LIMS2: variants seen among roughly 807,000 people sequenced by gnomAD.
The protein encoded by LIMS2 is LIM and senescent cell antigen-like-containing domain protein 2.
In LIMS2, 30 loss-of-function variants were observed where a neutral mutation model predicts 45.3. That is an observed-to-expected ratio of 0.66 (90% CI 0.50 to 0.90). The LOEUF is 0.90. Among genes scored for constraint, LIMS2 ranks in the 40% least tolerant of loss-of-function variants. The pLI is 0.00. For synonymous variants in LIMS2, 173 were observed against 188.0 expected, an observed-to-expected ratio of 0.92 and a Z score of 0.65; for missense variants, 485 against 468.7, an observed-to-expected ratio of 1.03 and a Z score of -0.32.
chr2:127,648,662 G>A (rs1683260175), intron 4 of LIMS2, among the ~76,000 whole-genome samples: 1 of 152,044 alleles, frequency 6.6e-6, no homozygotes, highest in Non-Finnish European at 1.5e-5. Context: ...AGCACTTTGG[G>A]AGGCCAAGGA....
intron 4 of LIMS2, chr2:127,650,025 G>A: frequency 6.2e-7 from 1 of 1,608,966 alleles, no homozygotes. Flanking sequence ...TCCAAACGGA[G>A]TTGGTGGGCT....
chr2:127,651,874 C>A, intron 4 of LIMS2: 2 of 907,992 alleles, frequency 2.2e-6, no homozygotes, highest in Non-Finnish European at 3.4e-6. Flanking sequence ...CAGCAGATGC[C>A]CACCATTTCT....
chr2:127,654,535 A>G lies in LIMS2; in HGVS notation c.248T>C (p.Ile83Thr). ...CATGGCCTTGATGACGCGGCCAATGATGAACTCACCTGGAAGAAGACAGGT... is the reference window on the plus strand; with the variant it reads ...CATGGCCTTGATGACGCGGCCAATGGTGAACTCACCTGGAAGAAGACAGGT... Reference protein sequence around the residue: ...APCCGSCGEFIIGRVIKAMNN... With the variant: ...APCCGSCGEFTIGRVIKAMNN... The change falls in exon 4 of 10, where the codon ATC becomes ACC. Residue 83 changes from isoleucine to threonine, a missense_variant. Ile to Thr is a moderately conservative substitution (Grantham distance 89). Transcript: ENST00000355119. 6.2e-7 allele frequency: 1 copy of G among 1,614,114 alleles called. No homozygotes were observed. The highest frequency in any genetic ancestry group is 8.5e-7 in the Non-Finnish European group (1 of 1,180,002).
chr2:127,641,343 G>A lies in LIMS2; in HGVS notation c.661-355C>T, dbSNP rs538584682. 2.1e-3 allele frequency: 513 copies of A among 246,002 alleles called. 2 individuals are homozygous for A. The highest frequency in any genetic ancestry group is 0.01 in the African/African-American group (456 of 45,068). 15.2% of individuals were successfully genotyped at this position (246,002 alleles called of 1,614,324 possible). ...GAGTCAGGTGCCAGCCTGGTGCTGC[G>A]GCATGGTGGGCCCTCATAGGCAGAG... On this transcript the variant is annotated intron_variant, in intron 6 of 9. Coordinates refer to ENST00000355119, the MANE Select transcript of LIMS2 (RefSeq NM_001161403.3).
intron 6 of LIMS2, chr2:127,641,239 C>T (rs1682373320): frequency 2.2e-6 from 1 of 451,174 alleles, no homozygotes; most frequent in Admixed American, 3.5e-5. Flanking sequence ...CCCTACCCCT[C>T]CTCTAAGGCA....
chr2:127,663,718 C>T (rs1684827106), intron 1 of LIMS2, among the ~76,000 whole-genome samples: 1 of 151,990 alleles, frequency 6.6e-6, no homozygotes, highest in Non-Finnish European at 1.5e-5. Flanking sequence ...GGTCACAGCC[C>T]TATTGCTCTC....
intron 4 of LIMS2, chr2:127,646,184 G>A (rs1056317213): frequency 6.6e-6 from 1 of 152,372 alleles, no homozygotes; most frequent in African/African-American, 2.4e-5. Context: ...GACACCCACG[G>A]GCGGAGATCA....
upstream of LIMS2, among the ~76,000 whole-genome samples, chr2:127,676,687 T>C (rs1219922481): frequency 6.6e-6 from 1 of 152,176 alleles, no homozygotes; most frequent in African/African-American, 2.4e-5. Context: ...GTTGCGAGCG[T>C]GTCTCAGCTG....
rs74370487 is a variant in LIMS2 at position 127,653,481 on chromosome 2, G to A, written c.359+943C>T. Reference sequence around the variant, plus strand: ...CTGAAGTGGAGCCTGGAATTCTCCAGACACATGTGCCATTTAGGGCTCTAG... The same window carrying A: ...CTGAAGTGGAGCCTGGAATTCTCCAAACACATGTGCCATTTAGGGCTCTAG... On this transcript the variant is annotated intron_variant, in intron 4 of 9. Coordinates refer to ENST00000355119, the MANE Select transcript of LIMS2 (RefSeq NM_001161403.3). The surrounding 1 kb of genome is among the most constrained non-coding windows in gnomAD (Gnocchi z 5.3). Among the ~76,000 whole-genome samples the A allele has an allele frequency of 6.6e-6, 1 of 152,332 alleles. No homozygotes were observed. Among genetic ancestry groups the A allele is most frequent in the African/African-American group, 2.4e-5 (1 of 41,572 alleles).
rs549433025 is a variant in LIMS2, at chr2:127,653,831, A to T, written c.359+593T>A. 6.6e-6 allele frequency among the ~76,000 whole-genome samples: 1 copy of T among 152,216 alleles called. No homozygotes were observed. The highest frequency in any genetic ancestry group is 2.1e-4 in the South Asian group (1 of 4,820). On this transcript the variant is annotated intron_variant, in intron 4 of 9. Coordinates refer to ENST00000355119, the MANE Select transcript of LIMS2 (RefSeq NM_001161403.3). The surrounding 1 kb of genome is among the most constrained non-coding windows in gnomAD (Gnocchi z 5.3). Reference sequence around the variant, plus strand: ...AGCAGTGTTTTTAACCCAGCTCCCCAGCCCAGTCCTTCAGAAAGGACGAGA... The same window carrying T: ...AGCAGTGTTTTTAACCCAGCTCCCCTGCCCAGTCCTTCAGAAAGGACGAGA...
At chr2:127,656,532 G>A (rs1028738424) in intron 2 of LIMS2, among the ~76,000 whole-genome samples, 6 of 151,094 alleles carry the variant, frequency 4.0e-5, no homozygotes, top group South Asian at 2.1e-4. Flanking sequence ...TCCTGCCTCA[G>A]CCTCCCGAGT....
chr2:127,648,976 A>AGGGAG (rs1281097524), intron 4 of LIMS2, among the ~76,000 whole-genome samples: 1 of 12,362 alleles, frequency 8.1e-5, no homozygotes. Flanking sequence ...GGGGGAGGGG[A>AGGGAG]GGGAGGGGAG....
intron 4 of LIMS2, chr2:127,650,972 G>A (rs560171965): frequency 5.9e-5 from 95 of 1,613,782 alleles, no homozygotes; most frequent in Admixed American, 3.5e-4. Flanking sequence ...CCGACTTGTC[G>A]TGCGTGCTGG....
chr2:127,661,904 T>C (rs2105320473), intron 1 of LIMS2, among the ~76,000 whole-genome samples: 1 of 152,292 alleles, frequency 6.6e-6, no homozygotes, highest in South Asian at 2.1e-4. Context: ...CCATCTCCTC[T>C]TGGCATCCCC....
chr2:127,673,780 G>A, intron 1 of LIMS2: 1 of 1,544,790 alleles, frequency 6.5e-7, no homozygotes, highest in South Asian at 1.2e-5. Flanking sequence ...CCAGCTGGCA[G>A]GGATGCTCTG....
intron 4 of LIMS2, among the ~76,000 whole-genome samples, chr2:127,645,188 C>T (rs1022109178): frequency 3.9e-5 from 6 of 152,178 alleles, no homozygotes; most frequent in African/African-American, 1.4e-4. Context: ...GCCTGAGCCT[C>T]AGTTTCCTTG....
At chr2:127,662,640 G>C (rs1298875481) in intron 1 of LIMS2, among the ~76,000 whole-genome samples, 5 of 103,954 alleles carry the variant, frequency 4.8e-5, no homozygotes, top group African/African-American at 1.7e-4. Context: ...GGGGTGGGGG[G>C]TGGGGGGTGG....
chr2:127,665,646 C>G (rs1226434485), intron 1 of LIMS2, among the ~76,000 whole-genome samples: 1 of 152,228 alleles, frequency 6.6e-6, no homozygotes, highest in South Asian at 2.1e-4. Context: ...ACCGCTGACT[C>G]TCTGATGTAG....
Position 127,672,628 on chromosome 2 carries a change from C to T in LIMS2, c.11+2386G>A, listed in dbSNP as rs1191501121. ...CTGAGTCAGCCTCCTCTCCTCCACC[C>T]GCTCAGCCACCCAGGAGAGGCCTCC... is the stretch of plus-strand genomic sequence containing the variant. On this transcript the variant is annotated intron_variant, in intron 1 of 9. Coordinates refer to ENST00000355119, the MANE Select transcript of LIMS2 (RefSeq NM_001161403.3). The surrounding 1 kb of genome is among the most constrained non-coding windows in gnomAD (Gnocchi z 4.9). 3.3e-5 allele frequency among the ~76,000 whole-genome samples: 5 copies of T among 152,242 alleles called. No individual in the cohort carries two copies. Among genetic ancestry groups the T allele is most frequent in the African/African-American group, 2.4e-5 (1 of 41,466 alleles).
Sources: gnomAD v4.1 joint callset for allele counts (sites outside exome capture counted in the v4.1 genomes callset) on GRCh38, gnomAD v4.1.1 for gene constraint, Gnocchi (gnomAD v3.1) non-coding constraint, MANE v1.5 for transcripts, NCBI Gene and HGNC (gene_info 2026-07-23, HGNC 2026-07-21) for gene names.